Variants in PDE1C observed in about 807,000 individuals in gnomAD.
PDE1C encodes phosphodiesterase 1C, also known as dual specificity calcium/calmodulin-dependent 3',5'-cyclic nucleotide phosphodiesterase 1C.
In PDE1C, 62 loss-of-function variants were observed where a neutral mutation model predicts 93.1. The ratio of observed to expected loss-of-function variants is 0.67; its 90% CI spans 0.54 to 0.82. PDE1C has a LOEUF of 0.82. Ranked by LOEUF, PDE1C falls within the 40% of genes least tolerant of loss-of-function variation. PDE1C has a pLI of 0.00. For missense variants in PDE1C, 742 were observed against 884.6 expected (o/e 0.84, Z 2.04); for synonymous variants, 325 against 310.1 (o/e 1.05, Z -0.50).
chr7:31,648,181 A>G, the PDE1C span, among the ~76,000 whole-genome samples: 4 of 152,234 alleles, frequency 2.6e-5, no homozygotes, highest in Non-Finnish European at 5.9e-5. Flanking sequence ...AAGAAAAAGT[A>G]ATATGAGCAT....
intron 2 of PDE1C, among the ~76,000 whole-genome samples, chr7:31,928,189 A>G (rs1250940951): frequency 1.3e-5 from 2 of 152,048 alleles, no homozygotes; most frequent in Non-Finnish European, 2.9e-5. Flanking sequence ...AAAGGATATC[A>G]GAGATTGAAT....
the PDE1C span, among the ~76,000 whole-genome samples, chr7:31,638,060 G>A: frequency 6.6e-6 from 1 of 152,066 alleles, no homozygotes; most frequent in Non-Finnish European, 1.5e-5. Context: ...TAAGCAGAGG[G>A]GCTCCCACCA....
At chr7:32,017,330 C>T (rs1788042311) in intron 2 of PDE1C, among the ~76,000 whole-genome samples, 1 of 152,074 alleles carries the variant, frequency 6.6e-6, no homozygotes. Context: ...AACTTTACAT[C>T]ATATGCAAAA....
the PDE1C span, among the ~76,000 whole-genome samples, chr7:31,623,023 C>T: frequency 3.2e-4 from 48 of 152,210 alleles, no homozygotes; most frequent in East Asian, 5.2e-3. Context: ...ATAAATTCCT[C>T]AACACATACA....
intron 3 of PDE1C, among the ~76,000 whole-genome samples, chr7:32,143,131 T>G (rs2128782072): frequency 6.6e-6 from 1 of 151,982 alleles, no homozygotes; most frequent in South Asian, 2.1e-4. Flanking sequence ...CCTGATTTGC[T>G]TTAGCTGGGA....
Position 32,058,318 on chromosome 7 carries a change from T to C in PDE1C, c.102-6738A>G, listed in dbSNP as rs372429816. On this transcript the variant is annotated intron_variant, in intron 1 of 17. Coordinates refer to ENST00000396191, the MANE Select transcript of PDE1C (RefSeq NM_001191057.4). ...CTCAGCCCTCAGTTCTCTCAAGGGA[T>C]AGGACATTGAAAGACAGGCTCAGAT... Among the ~76,000 whole-genome samples, 13 of 152,208 alleles carry C rather than the reference T, an allele frequency of 8.5e-5. 3 individuals carry two copies. Among genetic ancestry groups the C allele is most frequent in the Admixed American group, 6.5e-5 (1 of 15,288 alleles).
At chr7:31,738,305 G>A in the PDE1C span, among the ~76,000 whole-genome samples, 16 of 152,198 alleles carry the variant, frequency 1.1e-4, no homozygotes, top group African/African-American at 3.9e-4. Flanking sequence ...TGGACTCACA[G>A]TTCCGCATGG....
At chr7:32,071,074 G>A (rs1179712963), upstream of PDE1C, 2 of 985,296 alleles carry the variant, frequency 2.0e-6, no homozygotes, top group African/African-American at 3.5e-5. Context: ...GGGCGCGGAG[G>A]GAGGGGCGCG....
intron 3 of PDE1C, among the ~76,000 whole-genome samples, chr7:32,116,088 T>C (rs759679193): frequency 7.2e-5 from 11 of 152,212 alleles, no homozygotes; most frequent in Non-Finnish European, 1.6e-4. Flanking sequence ...GCCCTTAAGA[T>C]TCCTAAAACA....
At chr7:31,867,029 C>A (rs966072684) in intron 6 of PDE1C, among the ~76,000 whole-genome samples, 12 of 152,124 alleles carry the variant, frequency 7.9e-5, no homozygotes, top group Non-Finnish European at 1.5e-4. Flanking sequence ...CCAGCCCCCA[C>A]CAGACTGCAT....
At chr7:32,360,271 C>T (rs1289814231) in intron 1 of PDE1C, among the ~76,000 whole-genome samples, 1 of 152,172 alleles carries the variant, frequency 6.6e-6, no homozygotes, top group African/African-American at 2.4e-5. Flanking sequence ...TGTCTGGGAG[C>T]AAAACATGAT....
At chr7:31,766,235 T>A (rs1281211752) in intron 17 of PDE1C, among the ~76,000 whole-genome samples, 3 of 151,978 alleles carry the variant, frequency 2.0e-5, no homozygotes, top group East Asian at 1.9e-4. Context: ...ATACAAAAAA[T>A]TAGCCGGGTG....
At chr7:32,162,240 A>G (rs1161336049) in intron 3 of PDE1C, among the ~76,000 whole-genome samples, 2 of 152,190 alleles carry the variant, frequency 1.3e-5, no homozygotes, top group Non-Finnish European at 2.9e-5. Context: ...CCCTCCCACT[A>G]GAGCCCATAG....
At chr7:32,116,903 C>T (rs1258425122) in intron 3 of PDE1C, among the ~76,000 whole-genome samples, 4 of 152,172 alleles carry the variant, frequency 2.6e-5, no homozygotes, top group Non-Finnish European at 5.9e-5. Context: ...TCTACAGCAC[C>T]CTATAGACCA....
chr7:31,885,252 T>A (rs2128887170), intron 2 of PDE1C, among the ~76,000 whole-genome samples: 1 of 152,318 alleles, frequency 6.6e-6, no homozygotes, highest in East Asian at 1.9e-4. Context: ...TAATAAGATT[T>A]CTCTTCTGAG....
At chr7:32,201,904 A>G (rs1285291361) in intron 2 of PDE1C, among the ~76,000 whole-genome samples, 1 of 152,174 alleles carries the variant, frequency 6.6e-6, no homozygotes, top group Non-Finnish European at 1.5e-5. Context: ...CTCTCCAGAA[A>G]AAGGAGGAGG....
intron 1 of PDE1C, among the ~76,000 whole-genome samples, chr7:32,384,539 C>G (rs1784590908): frequency 6.6e-6 from 1 of 151,976 alleles, no homozygotes; most frequent in Non-Finnish European, 1.5e-5. Flanking sequence ...TGTGAAAGGC[C>G]TTGGGTAAGA....
intron 2 of PDE1C, among the ~76,000 whole-genome samples, chr7:31,915,163 C>G (rs1801722244): frequency 6.6e-6 from 1 of 152,232 alleles, no homozygotes; most frequent in Non-Finnish European, 1.5e-5. Flanking sequence ...GTAAGCCTTA[C>G]TGCTGTCCAC....
the PDE1C span, chr7:31,686,661 A>C: frequency 6.6e-6 from 1 of 152,176 alleles, no homozygotes; most frequent in East Asian, 1.9e-4. Flanking sequence ...CTTCCTCATC[A>C]ATAAAATGGG....
Sources: gnomAD v4.1 joint callset for allele counts (sites outside exome capture counted in the v4.1 genomes callset) on GRCh38, gnomAD v4.1.1 for gene constraint, MANE v1.5 for transcripts, NCBI Gene and HGNC (gene_info 2026-07-23, HGNC 2026-07-21) for gene names.